Variants in USH2A observed in about 807,000 individuals in gnomAD.
USH2A encodes the protein usherin, also known as Usher syndrome 2A (autosomal recessive, mild).
Under a neutral mutation model 538.9 loss-of-function variants are expected in USH2A, and 443 were observed. That is an observed-to-expected ratio of 0.82 (90% confidence interval 0.76 to 0.89). The LOEUF is 0.89. Among genes scored for constraint, USH2A ranks in the 40% least tolerant of loss-of-function variants. The pLI is 0.00. For missense variants in USH2A, 6,633 were observed against 6,324.8 expected (o/e 1.05, Z -1.65); for synonymous variants, 2,413 against 2,273.5 (o/e 1.06, Z -1.75).
At chr1:215,959,159 A>T (rs546156080) in intron 37 of USH2A, among the ~76,000 whole-genome samples, 1 of 151,820 alleles carries the variant, frequency 6.6e-6, no homozygotes, top group Admixed American at 6.6e-5. Flanking sequence ...ATATTATAGA[A>T]TTTTTTTTAA....
At chr1:215,703,190 G>A (rs113634295) in intron 61 of USH2A, among the ~76,000 whole-genome samples, 3 of 152,294 alleles carry the variant, frequency 2.0e-5, no homozygotes, top group African/African-American at 7.2e-5. Flanking sequence ...TGGAAGCTTT[G>A]TCCCAGAGGG....
intron 13 of USH2A, among the ~76,000 whole-genome samples, chr1:216,242,451 A>C (rs1368592690): frequency 6.6e-6 from 1 of 151,972 alleles, no homozygotes; most frequent in Non-Finnish European, 1.5e-5. Flanking sequence ...AATTGACGAT[A>C]CTGAGAAATA....
At chr1:215,800,516 C>T (rs761802608) in intron 49 of USH2A, among the ~76,000 whole-genome samples, 1 of 152,108 alleles carries the variant, frequency 6.6e-6, no homozygotes, top group East Asian at 1.9e-4. Context: ...TGGCACAAAT[C>T]CACTGAAGAA....
At chr1:216,365,622 T>C (rs1428031824) in intron 3 of USH2A, among the ~76,000 whole-genome samples, 2 of 152,198 alleles carry the variant, frequency 1.3e-5, no homozygotes, top group African/African-American at 4.8e-5. Flanking sequence ...GCCAATCATA[T>C]TCTAGACTAA....
intron 21 of USH2A, among the ~76,000 whole-genome samples, chr1:216,152,683 G>T (rs1026413756): frequency 6.6e-6 from 1 of 152,128 alleles, no homozygotes; most frequent in Admixed American, 6.5e-5. Context: ...ACACGGACAC[G>T]CATGAAATCC....
chr1:215,781,937 G>C, intron 54 of USH2A, 105 bp downstream of exon 54: 1 of 1,489,324 alleles, frequency 6.7e-7, no homozygotes, highest in Non-Finnish European at 9.3e-7. Context: ...ACCACTTTGA[G>C]GAGGGACATT....
chr1:216,420,325 A>T (rs2039655379), intron 2 of USH2A, among the ~76,000 whole-genome samples: 1 of 152,106 alleles, frequency 6.6e-6, no homozygotes, highest in African/African-American at 2.4e-5. Context: ...TTGCTTGTAA[A>T]CATACTAGCT....
In USH2A at chr1:216,199,963, G is replaced by C; in HGVS notation, c.3475C>G (p.Pro1159Ala). 1 of 1,614,074 alleles carries C rather than the reference G, an allele frequency of 6.2e-7. No homozygotes were observed. Among genetic ancestry groups the C allele is most frequent in the Non-Finnish European group, 8.5e-7 (1 of 1,179,984 alleles). Residue 1159 changes from proline to alanine, a missense_variant, in exon 17 of 72, where the codon CCT (proline) becomes GCT (alanine). By Grantham distance (27) the Pro-to-Ala change is conservative (BLOSUM62 -1). Coordinates refer to ENST00000307340, the MANE Select transcript of USH2A (RefSeq NM_206933.4). Reference protein sequence around the residue: ...EGNLTLSYIIPIGSDSVTLTW... With the variant: ...EGNLTLSYIIAIGSDSVTLTW... ...AGTGTCACAGAGTCTGAGCCAATAGGAATGATATAACTTAAAGTCAAGTTT... is the reference window on the plus strand; with the variant it reads ...AGTGTCACAGAGTCTGAGCCAATAGCAATGATATAACTTAAAGTCAAGTTT...
chr1:215,677,785 C>T (rs1018172256), intron 62 of USH2A, among the ~76,000 whole-genome samples: 2 of 152,182 alleles, frequency 1.3e-5, no homozygotes, highest in Non-Finnish European at 2.9e-5. Context: ...GGTTGAGTTA[C>T]ATTCTCTCCA....
chr1:216,000,656 T>C, intron 32 of USH2A, 94 bp from the exon 33 acceptor site: 1 of 1,477,294 alleles, frequency 6.8e-7, no homozygotes, highest in Non-Finnish European at 9.4e-7. Flanking sequence ...CAGAGAATTG[T>C]TAAGATAAGG....
At chr1:216,299,129 A>T (rs2037164607) in intron 9 of USH2A, among the ~76,000 whole-genome samples, 1 of 152,140 alleles carries the variant, frequency 6.6e-6, no homozygotes, top group South Asian at 2.1e-4. Flanking sequence ...GGCGTGAGCC[A>T]CCGTGCCTGT....
At chr1:215,701,700 C>T (rs1196813346) in intron 61 of USH2A, among the ~76,000 whole-genome samples, 1 of 152,166 alleles carries the variant, frequency 6.6e-6, no homozygotes, top group Non-Finnish European at 1.5e-5. Context: ...TCGTTTTGAG[C>T]CTATGTGTGT....
At chr1:216,075,940 GA>G (rs1317986530) in intron 27 of USH2A, among the ~76,000 whole-genome samples, 1 of 151,810 alleles carries the variant, frequency 6.6e-6, no homozygotes, top group African/African-American at 2.4e-5. Flanking sequence ...CAGAGAAAAG[GA>G]AAAACGTTTT....
In USH2A at chr1:216,217,450, A is replaced by T; in HGVS notation, c.3094T>A (p.Cys1032Ser). The T allele has an allele frequency of 1.2e-6, 2 of 1,613,304 alleles. No individual in the cohort carries two copies. Residue 1032 changes from cysteine to serine, a missense_variant, in exon 15 of 72, where the codon TGT (cysteine) becomes AGT (serine). Transcript: ENST00000307340. ...FCKQFVTGSKCDACVPSASHL... is the reference protein window; with the variant it reads ...FCKQFVTGSKSDACVPSASHL... Reference sequence around the variant, plus strand: ...CTTGCACTGGGAACACAAGCATCACACTTTGAGCCAGTGACAAATTGTTTA... The same window carrying T: ...CTTGCACTGGGAACACAAGCATCACTCTTTGAGCCAGTGACAAATTGTTTA...
At chr1:215,968,908 A>G (rs1346623239) in intron 36 of USH2A, among the ~76,000 whole-genome samples, 3 of 152,106 alleles carry the variant, frequency 2.0e-5, no homozygotes, top group Non-Finnish European at 2.9e-5. Context: ...ATGATAGAAA[A>G]CTCTGCCTTT....
Position 216,289,377 on chromosome 1 carries a change from A to G in USH2A, c.1874T>C (p.Phe625Ser). The G allele has an allele frequency of 6.2e-7, 1 of 1,613,940 alleles. No homozygotes were observed. The change falls in exon 11 of 72, where the codon TTC (phenylalanine) becomes TCC (serine). Residue 625 changes from phenylalanine to serine, a missense_variant. Coordinates refer to ENST00000307340, the MANE Select transcript of USH2A (RefSeq NM_206933.4). ...RNCELCKDYF[F>S]RQVGADPSAI... is the part of the protein sequence containing the mutation. Reference sequence around the variant, plus strand: ...CGAAGGATCTGCACCAACTTGTCGGAAAAAGTAATCCTTGCACAGCTCACA... The same window carrying G: ...CGAAGGATCTGCACCAACTTGTCGGGAAAAGTAATCCTTGCACAGCTCACA...
intron 60 of USH2A, among the ~76,000 whole-genome samples, chr1:215,731,103 A>T (rs1659982982): frequency 6.6e-6 from 1 of 152,208 alleles, no homozygotes; most frequent in Non-Finnish European, 1.5e-5. Flanking sequence ...ACTCTCACGA[A>T]TTCCCAAATT....
intron 5 of USH2A, among the ~76,000 whole-genome samples, 167 bp downstream of exon 5, chr1:216,327,424 T>A (rs2037757220): frequency 6.6e-6 from 1 of 152,176 alleles, no homozygotes; most frequent in Non-Finnish European, 1.5e-5. Flanking sequence ...CACTAGTGAA[T>A]AACAACCATA....
intron 64 of USH2A, among the ~76,000 whole-genome samples, chr1:215,651,553 T>G (rs769711274): frequency 3.0e-4 from 45 of 152,238 alleles, no homozygotes; most frequent in Non-Finnish European, 5.4e-4. Flanking sequence ...TTTTTCTCAT[T>G]GTGTTTCTTC....
Sources: gnomAD v4.1 joint callset for allele counts (sites outside exome capture counted in the v4.1 genomes callset) on GRCh38, gnomAD v4.1.1 for gene constraint, MANE v1.5 for transcripts, NCBI Gene and HGNC (gene_info 2026-07-23, HGNC 2026-07-21) for gene names.